The following HNRNPC variants were observed in gnomAD, a reference collection of about 807,000 sequenced individuals.
The protein encoded by HNRNPC is heterogeneous nuclear ribonucleoprotein C.
In HNRNPC, 3 loss-of-function variants were observed where a neutral mutation model predicts 33.2. The observed-to-expected ratio is 0.09, with a 90% CI of 0.04 to 0.23. The LOEUF (loss-of-function observed/expected upper bound fraction) is 0.23. HNRNPC is among the 10% of genes least tolerant of loss of function. HNRNPC has a pLI of 1.00. For synonymous variants in HNRNPC, 121 were observed against 126.7 expected (o/e 0.96, Z 0.30); for missense variants, 143 against 366.7 (o/e 0.39, Z 4.98).
chr14:21,223,017 G>C (rs1000529712), intron 5 of HNRNPC, among the ~76,000 whole-genome samples: 1 of 152,038 alleles, frequency 6.6e-6, no homozygotes, highest in Non-Finnish European at 1.5e-5. Flanking sequence ...TGCCCAACAC[G>C]GTGAAGCCCC....
At chr14:21,213,446 T>A (rs1594193405) in intron 5 of HNRNPC, 2 of 223,390 alleles carry the variant, frequency 9.0e-6, no homozygotes, top group South Asian at 1.6e-4. Context: ...GGGCATTTAT[T>A]ATAATGAATA....
chr14:21,266,817 G>A (rs1431956754), intron 1 of HNRNPC, among the ~76,000 whole-genome samples: 2 of 151,930 alleles, frequency 1.3e-5, no homozygotes, highest in Non-Finnish European at 2.9e-5. Context: ...GGGGCCGGGT[G>A]CGGTGGCTCA....
intron 5 of HNRNPC, among the ~76,000 whole-genome samples, chr14:21,220,812 T>A (rs1447154450): frequency 6.7e-6 from 1 of 149,364 alleles, no homozygotes; most frequent in Non-Finnish European, 1.5e-5. Flanking sequence ...AAATTCTATC[T>A]GTTTTCAAGG....
chr14:21,212,789 C>T (rs1891761348), intron 6 of HNRNPC, among the ~76,000 whole-genome samples, 171 bp downstream of exon 6: 1 of 152,108 alleles, frequency 6.6e-6, no homozygotes, highest in Non-Finnish European at 1.5e-5. Context: ...GCTGATCCAC[C>T]CGCTGGGCCT....
At chr14:21,233,144 C>T (rs191296694) in intron 3 of HNRNPC, among the ~76,000 whole-genome samples, 2 of 152,002 alleles carry the variant, frequency 1.3e-5, no homozygotes, top group Non-Finnish European at 1.5e-5. Context: ...ACTTTGAAAC[C>T]ATATAAAGTG....
rs548819488 is a variant in HNRNPC at position 21,234,277 on chromosome 14, A to G, written c.-36-48T>C. On this transcript the variant is annotated intron_variant, in intron 2 of 8. Coordinates refer to ENST00000553300, the MANE Select transcript of HNRNPC (RefSeq NM_004500.4). ...CAGGTGAACAGATGCTAAAAACAAT[A>G]TTCCTTGATAAAACATTCTCCACTC... The G allele has an allele frequency of 4.9e-3, 7,443 of 1,506,260 alleles. 27 individuals carry two copies. Among genetic ancestry groups the G allele is most frequent in the Non-Finnish European group, 5.6e-3 (6,164 of 1,109,212 alleles). 93.3% of individuals were successfully genotyped at this position (1,506,260 alleles called of 1,614,324 possible).
At chr14:21,219,122 A>AAAAAGAAG (rs771795365) in intron 5 of HNRNPC, among the ~76,000 whole-genome samples, 54 of 150,486 alleles carry the variant, frequency 3.6e-4, no homozygotes, top group Middle Eastern at 3.4e-3. Flanking sequence ...AAAAAAAAAA[A>AAAAAGAAG]AAGAAGAAAA....
At chr14:21,252,172 T>C (rs1419499665) in intron 2 of HNRNPC, among the ~76,000 whole-genome samples, 3 of 152,132 alleles carry the variant, frequency 2.0e-5, no homozygotes, top group African/African-American at 4.8e-5. Flanking sequence ...CAAAATTCCA[T>C]ACAGGACTGT....
chr14:21,254,056 G>A (rs536863981), intron 2 of HNRNPC, among the ~76,000 whole-genome samples: 9 of 132,044 alleles, frequency 6.8e-5, no homozygotes, highest in South Asian at 2.4e-4. Context: ...GTGAGATTCC[G>A]TCTCAAAAAA....
chr14:21,260,178 C>A (rs1182998098), intron 2 of HNRNPC, among the ~76,000 whole-genome samples: 3 of 124,892 alleles, frequency 2.4e-5, no homozygotes, highest in Non-Finnish European at 3.3e-5. Context: ...CCAGCCTGGG[C>A]AACAGAACAA....
chr14:21,267,790 A>G (rs945626957), intron 1 of HNRNPC, among the ~76,000 whole-genome samples: 1 of 152,196 alleles, frequency 6.6e-6, no homozygotes, highest in African/African-American at 2.4e-5. Context: ...ATCAATTTCA[A>G]CTACTATTAA....
chr14:21,259,323 T>C (rs1166483770), intron 2 of HNRNPC, among the ~76,000 whole-genome samples: 1 of 152,188 alleles, frequency 6.6e-6, no homozygotes, highest in Admixed American at 6.6e-5. Flanking sequence ...GCTCTTCTTT[T>C]CCTTCATCGA....
At chr14:21,222,188 T>C (rs1354041821) in intron 5 of HNRNPC, among the ~76,000 whole-genome samples, 2 of 152,084 alleles carry the variant, frequency 1.3e-5, no homozygotes, top group Admixed American at 6.6e-5. Context: ...GATATGAATG[T>C]AAGTGGAGCA....
At chr14:21,253,965 G>A (rs538457545) in intron 2 of HNRNPC, among the ~76,000 whole-genome samples, 3,812 of 151,514 alleles carry the variant, frequency 0.025, 153 homozygotes, top group African/African-American at 0.088. Flanking sequence ...CTACTCAGGA[G>A]GCTGAGGCAG....
intron 1 of HNRNPC, among the ~76,000 whole-genome samples, chr14:21,268,472 T>TATTAACTAGGTATTCC (rs1193513575): frequency 2.0e-5 from 3 of 152,224 alleles, no homozygotes; most frequent in Non-Finnish European, 2.9e-5. Context: ...TTTAGAACTA[T>TATTAACTAGGTATTCC]ATTAACTAGG....
At position 21,252,646 on chromosome 14, in the gene HNRNPC, A is replaced by C. The variant is rs1467835089; in HGVS notation, c.-37+10665T>G. Among the ~76,000 whole-genome samples the C allele has an allele frequency of 5.3e-5, 8 of 152,298 alleles. No individual in the cohort carries two copies. In the East Asian group the frequency reaches 1.5e-3, roughly 29 times the overall value. On this transcript the variant is annotated intron_variant, in intron 2 of 8. Transcript: ENST00000553300. ...TGTTTAGTATTAAAATAGTTAATTT[A>C]TTAAACGTTTTTGGTGGGATAATTG... is the stretch of plus-strand genomic sequence containing the variant.
intron 2 of HNRNPC, among the ~76,000 whole-genome samples, chr14:21,259,965 C>T (rs568511595): frequency 6.7e-6 from 1 of 149,964 alleles, no homozygotes; most frequent in Non-Finnish European, 1.5e-5. Context: ...TTTGGGAGGC[C>T]GAGGCGGGCG....
chr14:21,234,501 A>G (rs1894458205), intron 2 of HNRNPC, among the ~76,000 whole-genome samples: 1 of 152,176 alleles, frequency 6.6e-6, no homozygotes. Flanking sequence ...CTGGCAGATC[A>G]TTGGCAATAT....
intron 7 of HNRNPC, 59 bp from the exon 8 acceptor site, chr14:21,211,625 T>G: frequency 6.5e-7 from 1 of 1,546,246 alleles, no homozygotes; most frequent in South Asian, 1.2e-5. Flanking sequence ...ACGTAGACAA[T>G]CCCCACTAAG....
Sources: allele counts gnomAD v4.1 joint callset (sites outside exome capture counted in the v4.1 genomes callset), GRCh38; gene constraint gnomAD v4.1.1; transcripts MANE v1.5; gene names NCBI Gene and HGNC (gene_info 2026-07-23, HGNC 2026-07-21).